Variants in AKAP13 observed in about 807,000 individuals in gnomAD.
AKAP13 encodes A-kinase anchor protein 13.
Under a neutral mutation model 264.5 loss-of-function variants are expected in AKAP13, and 80 were observed. The observed-to-expected ratio is 0.30, with a 90% CI of 0.25 to 0.36. The LOEUF is 0.36. AKAP13 is among the 10% of genes least tolerant of loss of function. AKAP13 has a pLI of 1.00. For synonymous variants in AKAP13, 1,380 were observed against 1,250.2 expected (o/e 1.10, Z -2.19); for missense variants, 3,712 against 3,435.2 (o/e 1.08, Z -2.01).
At chr15:85,572,685 T>TA (rs2078860535) in intron 5 of AKAP13, among the ~76,000 whole-genome samples, 1 of 152,138 alleles carries the variant, frequency 6.6e-6, no homozygotes, top group South Asian at 2.1e-4. Context: ...TTTTTATTAT[T>TA]ACACTGTAAG....
At chr15:85,660,106 A>G (rs927883481) in intron 12 of AKAP13, among the ~76,000 whole-genome samples, 107 of 152,062 alleles carry the variant, frequency 7.0e-4, no homozygotes, top group Admixed American at 3.3e-4. Flanking sequence ...TAATCCCAGC[A>G]CTTTGGGAGG....
rs566009469 is a variant in AKAP13 at position 85,618,047 on chromosome 15, C to T, written c.4162-21327C>T. Among the ~76,000 whole-genome samples the T allele has an allele frequency of 2.6e-5, 4 of 152,298 alleles. No homozygotes were observed. In the South Asian group the frequency reaches 6.2e-4, roughly 24 times the overall value. On this transcript the variant is annotated intron_variant, in intron 8 of 36. Transcript: ENST00000394518. The stretch of plus-strand genomic sequence containing the variant: ...GCACGAGAAGGGGAGGGGTTGTCCG[C>T]CTTCATTCCTCGGATGAACCAGTGA...
intron 1 of AKAP13, among the ~76,000 whole-genome samples, chr15:85,382,950 CCT>C (rs1011799344): frequency 6.6e-6 from 1 of 152,174 alleles, no homozygotes; most frequent in African/African-American, 2.4e-5. Flanking sequence ...GGATTTCTAA[CCT>C]TTTTTTAATC....
In AKAP13 at chr15:85,669,749, T is replaced by C; in HGVS notation, c.5020T>C (p.Phe1674Leu). 1 of 1,613,342 alleles carries C rather than the reference T, an allele frequency of 6.2e-7. No individual in the cohort carries two copies. The highest frequency in any genetic ancestry group is 8.5e-7 in the Non-Finnish European group (1 of 1,179,310). ...QICHRSKQQG[F>L]NYCTSAISSP... ...ATGTCACAGATCTAAGCAGCAGGGA[T>C]TTAATTACTGTACATCAGCCATTTC... Residue 1674 changes from phenylalanine to leucine, a missense_variant, in exon 14 of 37, where the codon TTT (phenylalanine) becomes CTT (leucine). Around this residue, in one of 3 missense-constraint regions of AKAP13, gnomAD observed 2,759 missense variants for 2,411.7 expected, o/e 1.14. Coordinates refer to ENST00000394518, the MANE Select transcript of AKAP13 (RefSeq NM_007200.5).
At chr15:85,567,228 C>T (rs1027254694) in intron 5 of AKAP13, among the ~76,000 whole-genome samples, 3 of 152,032 alleles carry the variant, frequency 2.0e-5, no homozygotes, top group African/African-American at 7.2e-5. Flanking sequence ...CTGCCTCAGC[C>T]TCCCGAGTAG....
intron 8 of AKAP13, among the ~76,000 whole-genome samples, chr15:85,637,904 T>A (rs62022874): frequency 0.014 from 1,581 of 113,860 alleles, 15 homozygotes; most frequent in Middle Eastern, 0.047. Context: ...TTTTTTTTTT[T>A]AATCTCTGTC....
In AKAP13 at chr15:85,665,412, T is replaced by C. The variant is rs1048657996; in HGVS notation, c.4992+657T>C. Among the ~76,000 whole-genome samples, 6 of 152,166 alleles carry C rather than the reference T, an allele frequency of 3.9e-5. No individual in the cohort carries two copies. In the East Asian group the frequency reaches 1.2e-3, roughly 29 times the overall value. ...TTAATTTTCCCAATTCTCTAAAACA[T>C]ATCCCAAGTTTCTCCTTTGTAGGAA... On this transcript the variant is annotated intron_variant, in intron 13 of 36. Transcript: ENST00000394518.
At chr15:85,479,209 C>T (rs899076368) in intron 1 of AKAP13, among the ~76,000 whole-genome samples, 4 of 152,218 alleles carry the variant, frequency 2.6e-5, no homozygotes, top group African/African-American at 9.6e-5. Flanking sequence ...ATTTCTAGCT[C>T]ATATTCCCAG....
chr15:85,740,311 T>C (rs778533379), intron 34 of AKAP13, 39 bp downstream of exon 34: 3 of 1,611,086 alleles, frequency 1.9e-6, no homozygotes, highest in South Asian at 1.1e-5. Context: ...TTTATTTGTC[T>C]AGAGAACAGC....
Position 85,645,890 on chromosome 15 carries a change from C to A in AKAP13, c.4310C>A (p.Ser1437Tyr). The change falls in exon 10 of 37, where the codon TCT becomes TAT. Residue 1437 changes from serine (S) to tyrosine (Y), a missense_variant. Transcript: ENST00000394518. ...TSKQGVLKRE[S>Y]GSDSDLFHSP... ...AAACAAGGTGTACTTAAAAGAGAATCTGGGAGTGATTCTGACCTCTTTCAC... is the reference window on the plus strand; with the variant it reads ...AAACAAGGTGTACTTAAAAGAGAATATGGGAGTGATTCTGACCTCTTTCAC... The A allele has an allele frequency of 6.2e-7, 1 of 1,612,622 alleles. No homozygotes were observed. Among genetic ancestry groups the A allele is most frequent in the Non-Finnish European group, 8.5e-7 (1 of 1,179,450 alleles).
intron 8 of AKAP13, among the ~76,000 whole-genome samples, chr15:85,591,477 G>A (rs2079577417): frequency 1.3e-5 from 2 of 152,060 alleles, no homozygotes; most frequent in Admixed American, 1.3e-4. Context: ...CTGTTTAGCT[G>A]CAACTAAATA....
chr15:85,544,953 G>C (rs1031849376), intron 5 of AKAP13, among the ~76,000 whole-genome samples: 4 of 152,214 alleles, frequency 2.6e-5, no homozygotes, highest in African/African-American at 9.7e-5. Context: ...ACCAAAAAGA[G>C]ACCTCAGAAT....
rs770841969 is a variant in AKAP13 at position 85,741,528 on chromosome 15, G to C, written c.8058+33G>C. The C allele has an allele frequency of 2.6e-6, 4 of 1,536,240 alleles. No homozygotes were observed. In the East Asian group the frequency reaches 6.8e-5, roughly 26 times the overall value. On this transcript the variant is annotated intron_variant, in intron 35 of 36. Coordinates refer to ENST00000394518, the MANE Select transcript of AKAP13 (RefSeq NM_007200.5). ...GACTCCCTGCCGAGAGCAACCTAAT[G>C]ATGATATTAATTAAGACCCCCTGTG...
At chr15:85,691,336 C>T (rs754804655) in intron 16 of AKAP13, among the ~76,000 whole-genome samples, 4 of 152,130 alleles carry the variant, frequency 2.6e-5, no homozygotes, top group Non-Finnish European at 5.9e-5. Flanking sequence ...TCTAAAGGAC[C>T]TTTTATGGAG....
At chr15:85,480,381 T>C (rs1405369731) in intron 1 of AKAP13, among the ~76,000 whole-genome samples, 2 of 152,342 alleles carry the variant, frequency 1.3e-5, no homozygotes, top group East Asian at 3.9e-4. Flanking sequence ...GCTTCTGCTA[T>C]GTGCCTGTCA....
chr15:85,540,284 G>C (rs1479043627), intron 4 of AKAP13, among the ~76,000 whole-genome samples: 1 of 152,126 alleles, frequency 6.6e-6, no homozygotes, highest in Non-Finnish European at 1.5e-5. Context: ...TTCTCTCCAG[G>C]GGAAATCTAA....
intron 9 of AKAP13, among the ~76,000 whole-genome samples, chr15:85,641,439 C>G (rs1161645411): frequency 2.1e-5 from 3 of 143,364 alleles, no homozygotes; most frequent in Non-Finnish European, 3.0e-5. Flanking sequence ...GAGCAAGACT[C>G]CATCTCAAAT....
In AKAP13 at chr15:85,521,418, C is replaced by A. The variant is rs2076820327; in HGVS notation, c.34-10C>A. The A allele has an allele frequency of 6.2e-7, 1 of 1,613,064 alleles. No individual in the cohort carries two copies. The highest frequency in any genetic ancestry group is 1.1e-5 in the South Asian group (1 of 90,862). ...CTAATGTAAACTTGCTATATTGTTT[C>A]CTTTCCTAGGGTGATTGTGTTGTTA... On this transcript the variant is annotated splice_polypyrimidine_tract_variant and intron_variant, in intron 2 of 36. Transcript: ENST00000394518.
At chr15:85,481,297 G>A (rs1016369622) in intron 1 of AKAP13, among the ~76,000 whole-genome samples, 7 of 151,938 alleles carry the variant, frequency 4.6e-5, no homozygotes, top group African/African-American at 1.7e-4. Context: ...TTCTGATGAT[G>A]GTGTCCACAC....
Sources: allele counts gnomAD v4.1 joint callset (sites outside exome capture counted in the v4.1 genomes callset), GRCh38; gene constraint gnomAD v4.1.1; regional missense constraint gnomAD v4.1.1; transcripts MANE v1.5; gene names NCBI Gene and HGNC (gene_info 2026-07-23, HGNC 2026-07-21).